TRPM3: variants seen among roughly 807,000 people sequenced by gnomAD.
The protein encoded by TRPM3 is transient receptor potential cation channel subfamily M member 3, also known as long transient receptor potential channel 3.
Under a neutral mutation model 181.2 loss-of-function variants are expected in TRPM3, and 77 were observed. The observed-to-expected ratio is 0.42, with a 90% CI of 0.35 to 0.51. The LOEUF (loss-of-function observed/expected upper bound fraction) is 0.51, where lower values mean the gene tolerates loss of function less well. Among genes scored for constraint, TRPM3 ranks in the 20% least tolerant of loss-of-function variants. The pLI is 0.01. For missense variants in TRPM3, 1,759 were observed against 2,196.7 expected (o/e 0.80, Z 3.98); for synonymous variants, 745 against 796.4 (o/e 0.94, Z 1.09).
At chr9:71,072,807 G>A (rs2062948431) in intron 1 of TRPM3, among the ~76,000 whole-genome samples, 1 of 152,214 alleles carries the variant, frequency 6.6e-6, no homozygotes, top group Admixed American at 6.5e-5. Flanking sequence ...CACAAGGAAT[G>A]CTGAGGGCAG....
chr9:71,041,598 G>T (rs796161716), intron 1 of TRPM3, among the ~76,000 whole-genome samples: 1 of 152,036 alleles, frequency 6.6e-6, no homozygotes, highest in Non-Finnish European at 1.5e-5. Context: ...TTTCCCACTC[G>T]ACCCAGCTCA....
intron 1 of TRPM3, among the ~76,000 whole-genome samples, chr9:71,349,381 T>C (rs935591078): frequency 3.9e-5 from 6 of 152,186 alleles, no homozygotes; most frequent in African/African-American, 1.4e-4. Context: ...TAAATCACAA[T>C]GGAAATGTAC....
intron 1 of TRPM3, among the ~76,000 whole-genome samples, chr9:70,910,231 T>C (rs896332242): frequency 6.6e-6 from 1 of 152,294 alleles, no homozygotes; most frequent in East Asian, 1.9e-4. Flanking sequence ...AGCAAACAAC[T>C]GTTATATACA....
chr9:71,349,989 A>G (rs1194010643), intron 1 of TRPM3, among the ~76,000 whole-genome samples: 1 of 26,318 alleles, frequency 3.8e-5, no homozygotes, highest in African/African-American at 7.8e-5. Context: ...ATATATATAT[A>G]TATATATATA....
At chr9:71,024,976 G>A (rs2097882024) in intron 1 of TRPM3, among the ~76,000 whole-genome samples, 1 of 152,100 alleles carries the variant, frequency 6.6e-6, no homozygotes, top group Non-Finnish European at 1.5e-5. Flanking sequence ...AATGCTGCTT[G>A]GAGAGGGAAA....
intron 22 of TRPM3, among the ~76,000 whole-genome samples, chr9:70,588,533 T>G (rs1289690462): frequency 6.6e-6 from 1 of 150,822 alleles, no homozygotes; most frequent in African/African-American, 2.4e-5. Flanking sequence ...TGCGAAGGTG[T>G]GTTTGAATGA....
chr9:71,375,463 G>A (rs991126280), intron 1 of TRPM3, among the ~76,000 whole-genome samples: 1 of 152,046 alleles, frequency 6.6e-6, no homozygotes, highest in African/African-American at 2.4e-5. Flanking sequence ...CATAGGCATG[G>A]GCAAAGATTT....
intron 1 of TRPM3, among the ~76,000 whole-genome samples, chr9:70,971,458 A>G (rs1233965387): frequency 6.6e-6 from 1 of 151,954 alleles, no homozygotes; most frequent in African/African-American, 2.4e-5. Context: ...AACACTCTCT[A>G]CCCACTACCC....
Position 71,086,684 on chromosome 9 carries a change from C to G in TRPM3, c.177+34494G>C, listed in dbSNP as rs565153076. On this transcript the variant is annotated intron_variant, in intron 1 of 25. Coordinates refer to ENST00000677713, the MANE Select transcript of TRPM3 (RefSeq NM_001366145.2). ...AAACTTTCTATGCAATTCAGCTGTT[C>G]CTCTTCCCTTGCAGAAGCTGAAAAC... Among the ~76,000 whole-genome samples the G allele has an allele frequency of 3.9e-5, 6 of 152,086 alleles. No individual in the cohort carries two copies. The East Asian group carries it at 1.2e-3, about 29-fold the overall frequency.
intron 1 of TRPM3, among the ~76,000 whole-genome samples, chr9:71,439,040 A>G (rs1306867353): frequency 6.6e-6 from 1 of 152,242 alleles, no homozygotes; most frequent in Non-Finnish European, 1.5e-5. Context: ...ATTTCAATAT[A>G]GTATGGATTT....
At chr9:70,608,918 G>T (rs1190326978) in intron 19 of TRPM3, among the ~76,000 whole-genome samples, 1 of 152,144 alleles carries the variant, frequency 6.6e-6, no homozygotes, top group East Asian at 1.9e-4. Flanking sequence ...CTAGAACATT[G>T]CCTCAAACTT....
intron 1 of TRPM3, among the ~76,000 whole-genome samples, chr9:70,892,600 C>T (rs2096223737): frequency 1.5e-5 from 2 of 132,060 alleles, no homozygotes; most frequent in South Asian, 5.0e-4. Context: ...CAAATTTACC[C>T]GTTTGACCTC....
chr9:71,245,669 G>C (rs1422120471), intron 1 of TRPM3, among the ~76,000 whole-genome samples: 2 of 152,174 alleles, frequency 1.3e-5, no homozygotes, highest in Non-Finnish European at 2.9e-5. Context: ...CTAAATAGAA[G>C]AACTGTGGAG....
intron 1 of TRPM3, among the ~76,000 whole-genome samples, chr9:71,180,013 T>C (rs2077307108): frequency 6.7e-6 from 1 of 149,660 alleles, no homozygotes; most frequent in South Asian, 2.1e-4. Flanking sequence ...GGTTTTACAT[T>C]ACACAATAAA....
intron 6 of TRPM3, among the ~76,000 whole-genome samples, chr9:70,803,417 C>T (rs1290722352): frequency 6.6e-6 from 1 of 150,576 alleles, no homozygotes; most frequent in African/African-American, 2.4e-5. Flanking sequence ...AAAGGGCTGC[C>T]TGAGCTCCGC....
intron 1 of TRPM3, among the ~76,000 whole-genome samples, chr9:71,295,838 C>CAAAA (rs11383819): frequency 4.6e-5 from 4 of 86,624 alleles, no homozygotes; most frequent in Admixed American, 1.4e-4. Context: ...GATCCCGTCT[C>CAAAA]AAAAAAAAAA....
chr9:71,097,430 A>G (rs2067507140), intron 1 of TRPM3, among the ~76,000 whole-genome samples: 1 of 152,110 alleles, frequency 6.6e-6, no homozygotes, highest in South Asian at 2.1e-4. Flanking sequence ...TACACTTAAT[A>G]TTATGTGCAT....
At chr9:71,226,513 A>G (rs12004318) in intron 1 of TRPM3, among the ~76,000 whole-genome samples, 35,175 of 152,020 alleles carry the variant, frequency 0.23, 4,627 homozygotes, top group African/African-American at 0.33. Context: ...GAAACCAAAA[A>G]AGAACAGGAG....
intron 1 of TRPM3, among the ~76,000 whole-genome samples, chr9:71,153,632 G>A (rs17056365): frequency 0.089 from 13,527 of 151,844 alleles, 730 homozygotes; most frequent in African/African-American, 0.15. Flanking sequence ...TGATGATTTC[G>A]GACACATCCC....
Sources: allele counts gnomAD v4.1 joint callset (sites outside exome capture counted in the v4.1 genomes callset), GRCh38; gene constraint gnomAD v4.1.1; transcripts MANE v1.5; gene names NCBI Gene and HGNC (gene_info 2026-07-23, HGNC 2026-07-21).